SHOC1: variants seen among roughly 807,000 people sequenced by gnomAD.
SHOC1 encodes the protein protein shortage in chiasmata 1 ortholog.
SHOC1 carries 136 observed loss-of-function variants against 179.2 expected under a neutral mutation model. The ratio of observed to expected loss-of-function variants is 0.76; its 90% CI spans 0.66 to 0.87. The LOEUF (loss-of-function observed/expected upper bound fraction) is 0.87. SHOC1 is among the 40% of genes least tolerant of loss of function. The pLI is 0.00. For synonymous variants in SHOC1, 489 were observed against 586.6 expected (o/e 0.83, Z 2.41); for missense variants, 1,538 against 1,700.8 (o/e 0.90, Z 1.68).
At chr9:111,771,242 G>C (rs1224223240) in intron 5 of SHOC1, among the ~76,000 whole-genome samples, 2 of 152,234 alleles carry the variant, frequency 1.3e-5, no homozygotes, top group East Asian at 3.9e-4. Context: ...TTATTTTAAA[G>C]AGATAATATT....
chr9:111,718,329 T>C (rs963834405), intron 15 of SHOC1, 41 bp from the exon 16 acceptor site: 3 of 1,295,616 alleles, frequency 2.3e-6, no homozygotes, highest in African/African-American at 1.5e-5. Flanking sequence ...AGACTATACA[T>C]TACAGTTTTA....
intron 5 of SHOC1, among the ~76,000 whole-genome samples, chr9:111,768,395 G>T (rs1347419880): frequency 6.6e-6 from 1 of 151,912 alleles, no homozygotes; most frequent in Non-Finnish European, 1.5e-5. Context: ...GCTAATTTTT[G>T]TATTTTTAGT....
At chr9:111,700,088 T>C (rs747631849) in intron 23 of SHOC1, 41 bp from the exon 24 acceptor site, 2 of 995,094 alleles carry the variant, frequency 2.0e-6, no homozygotes, top group South Asian at 1.6e-5. Flanking sequence ...TCATTTGATA[T>C]CAGATTATAT....
At chr9:111,731,649 A>C (rs1447700945) in intron 12 of SHOC1, among the ~76,000 whole-genome samples, 1 of 152,190 alleles carries the variant, frequency 6.6e-6, no homozygotes, top group Non-Finnish European at 1.5e-5. Context: ...AACAGATATA[A>C]TAATAAGAAA....
chr9:111,691,476 T>A, intron 27 of SHOC1, 75 bp downstream of exon 27: 2 of 1,408,130 alleles, frequency 1.4e-6, no homozygotes, highest in Non-Finnish European at 1.9e-6. Flanking sequence ...ACAAAAAAAA[T>A]GTTAAATTTG....
chr9:111,718,197 C>T lies in SHOC1; in HGVS notation c.2223G>A (p.Leu741=), dbSNP rs776832214. ...TIRDVLLTCS[L]DTALGYLSKA... is the part of the protein sequence containing the mutation. ...TTCCCCACCAACCCAATGCTGTGTCCAAGCTGCATGTTAAAAGGACATCTC... is the reference window on the plus strand; with the variant it reads ...TTCCCCACCAACCCAATGCTGTGTCTAAGCTGCATGTTAAAAGGACATCTC... The change falls in exon 16 of 28, where the codon TTG becomes TTA. Residue 741 remains leucine, a synonymous_variant. Transcript: ENST00000682961. 24 of 1,594,068 alleles carry T rather than the reference C, an allele frequency of 1.5e-5. No individual in the cohort carries two copies. The highest frequency in any genetic ancestry group is 2.0e-5 in the Non-Finnish European group (23 of 1,172,938).
At chr9:111,692,647 T>G (rs1380950466) in intron 26 of SHOC1, 136 bp from the exon 27 acceptor site, 3 of 524,020 alleles carry the variant, frequency 5.7e-6, no homozygotes, top group Non-Finnish European at 9.6e-6. Flanking sequence ...ATTAAGAACA[T>G]GAAATCATTA....
chr9:111,740,535 C>A (rs1450243399), intron 11 of SHOC1, among the ~76,000 whole-genome samples: 1 of 152,146 alleles, frequency 6.6e-6, no homozygotes, highest in Non-Finnish European at 1.5e-5. Flanking sequence ...TGTATAACCT[C>A]AAAATTATTT....
chr9:111,709,660 G>A (rs2131370060), intron 18 of SHOC1, among the ~76,000 whole-genome samples: 1 of 152,306 alleles, frequency 6.6e-6, no homozygotes, highest in South Asian at 2.1e-4. Flanking sequence ...AAAGAGACAG[G>A]AGTATTCAGC....
chr9:111,735,707 T>C (rs1223081501), intron 12 of SHOC1, among the ~76,000 whole-genome samples: 1 of 152,198 alleles, frequency 6.6e-6, no homozygotes, highest in Non-Finnish European at 1.5e-5. Flanking sequence ...TACCCAGTAA[T>C]GGGATTGCTG....
At chr9:111,706,863 TAGAA>T (rs1832301688) in intron 19 of SHOC1, 117 bp from the exon 20 acceptor site, 5 of 595,310 alleles carry the variant, frequency 8.4e-6, no homozygotes, top group South Asian at 4.3e-5. Context: ...TGCCTCATCT[TAGAA>T]AGGCACTGGT....
chr9:111,729,169 G>A (rs975918644), intron 12 of SHOC1, among the ~76,000 whole-genome samples: 33 of 107,582 alleles, frequency 3.1e-4, no homozygotes, highest in African/African-American at 9.1e-4. Flanking sequence ...AGGCTGGAAT[G>A]CAGTGCCACA....
intron 10 of SHOC1, among the ~76,000 whole-genome samples, chr9:111,742,029 A>G (rs989766482): frequency 6.6e-6 from 1 of 152,222 alleles, no homozygotes; most frequent in South Asian, 2.1e-4. Flanking sequence ...GTCGAGTTCT[A>G]CAGACCAAAT....
chr9:111,723,352 G>A (rs1206777613), intron 14 of SHOC1, among the ~76,000 whole-genome samples: 8 of 152,178 alleles, frequency 5.3e-5, no homozygotes, highest in African/African-American at 1.9e-4. Context: ...ATGTTCTTAA[G>A]CAGGTTGTTC....
intron 12 of SHOC1, among the ~76,000 whole-genome samples, chr9:111,734,437 G>A (rs150565456): frequency 2.6e-5 from 4 of 152,100 alleles, no homozygotes; most frequent in East Asian, 1.9e-4. Flanking sequence ...TTATTCCACC[G>A]TGGGTACCAT....
intron 22 of SHOC1, among the ~76,000 whole-genome samples, chr9:111,703,355 G>A (rs1832074210): frequency 6.6e-6 from 1 of 151,984 alleles, no homozygotes; most frequent in African/African-American, 2.4e-5. Flanking sequence ...TTTCTTTTCA[G>A]TTGGTTCTCC....
intron 24 of SHOC1, among the ~76,000 whole-genome samples, chr9:111,697,203 T>A (rs536970303): frequency 7.4e-4 from 112 of 151,704 alleles, no homozygotes; most frequent in African/African-American, 2.5e-3. Context: ...TTTTTTTTTT[T>A]AATTATACTT....
chr9:111,731,810 T>G (rs1833582555), intron 12 of SHOC1, among the ~76,000 whole-genome samples: 1 of 151,710 alleles, frequency 6.6e-6, no homozygotes, highest in Non-Finnish European at 1.5e-5. Context: ...ATAAAACATA[T>G]CATTCATGTT....
At chr9:111,772,051 G>A (rs961774899) in intron 5 of SHOC1, among the ~76,000 whole-genome samples, 1 of 151,792 alleles carries the variant, frequency 6.6e-6, no homozygotes, top group African/African-American at 2.4e-5. Context: ...TGGTTTTTGA[G>A]GTAATTTTCT....
Sources: allele counts gnomAD v4.1 joint callset (sites outside exome capture counted in the v4.1 genomes callset), GRCh38; gene constraint gnomAD v4.1.1; transcripts MANE v1.5; gene names NCBI Gene and HGNC (gene_info 2026-07-23, HGNC 2026-07-21).